ESRRG: variants seen among roughly 807,000 people sequenced by gnomAD.
ESRRG encodes the protein estrogen-related receptor gamma.
Under a neutral mutation model 44.0 loss-of-function variants are expected in ESRRG, and 13 were observed. The observed-to-expected ratio is 0.30, with a 90% CI of 0.19 to 0.47. The LOEUF (loss-of-function observed/expected upper bound fraction) is 0.47. Among genes scored for constraint, ESRRG ranks in the 20% least tolerant of loss-of-function variants. The pLI, the probability that ESRRG is intolerant of heterozygous loss-of-function variation, is 1.00. For missense variants in ESRRG, 395 were observed against 580.6 expected, an observed-to-expected ratio of 0.68 and a Z score of 3.29; for synonymous variants, 215 against 214.6, an observed-to-expected ratio of 1.00 and a Z score of -0.02.
intron 2 of ESRRG, among the ~76,000 whole-genome samples, chr1:216,816,874 G>A (rs2095154254): frequency 6.6e-6 from 1 of 152,040 alleles, no homozygotes; most frequent in Non-Finnish European, 1.5e-5. Context: ...AACAATGTGG[G>A]GCATCTATCA....
At chr1:216,997,889 A>AG (rs2076564087) in intron 1 of ESRRG, among the ~76,000 whole-genome samples, 1 of 152,240 alleles carries the variant, frequency 6.6e-6, no homozygotes, top group South Asian at 2.1e-4. Flanking sequence ...AGAACTGTAA[A>AG]GGTCATTAGT....
intron 1 of ESRRG, among the ~76,000 whole-genome samples, chr1:217,043,937 A>T (rs149716454): frequency 1.3e-5 from 2 of 152,262 alleles, no homozygotes; most frequent in East Asian, 1.9e-4. Flanking sequence ...AAAGAAAAAA[A>T]AAACTGCCAG....
chr1:216,753,011 T>C (rs767986881), intron 2 of ESRRG, among the ~76,000 whole-genome samples: 7 of 152,070 alleles, frequency 4.6e-5, no homozygotes, highest in Non-Finnish European at 7.4e-5. Flanking sequence ...GAAAGGTAGA[T>C]GCAGAACCAC....
chr1:217,031,433 T>C (rs948420106), intron 1 of ESRRG, among the ~76,000 whole-genome samples: 1 of 152,252 alleles, frequency 6.6e-6, no homozygotes, highest in Admixed American at 6.5e-5. Flanking sequence ...CAATGCTTAC[T>C]TTTTCCTTGT....
At chr1:217,004,651 G>A (rs1560441095) in intron 1 of ESRRG, among the ~76,000 whole-genome samples, 1 of 152,130 alleles carries the variant, frequency 6.6e-6, no homozygotes, top group Non-Finnish European at 1.5e-5. Context: ...GGTAAGCCAT[G>A]GGCATATAAT....
chr1:216,547,997 T>C (rs1243092504), intron 5 of ESRRG, among the ~76,000 whole-genome samples: 3 of 152,066 alleles, frequency 2.0e-5, no homozygotes, highest in Non-Finnish European at 4.4e-5. Flanking sequence ...ATTGCTGCTA[T>C]ATATGGGGTT....
At chr1:216,855,107 T>G (rs1559879549) in intron 2 of ESRRG, 1 of 152,140 alleles carries the variant, frequency 6.6e-6, no homozygotes, top group Non-Finnish European at 1.5e-5. Context: ...GAAGAATTTT[T>G]CCCATATATA....
chr1:216,913,848 A>ACAG (rs1211165230), intron 2 of ESRRG, among the ~76,000 whole-genome samples: 2 of 152,202 alleles, frequency 1.3e-5, no homozygotes, highest in Non-Finnish European at 2.9e-5. Flanking sequence ...CATTATAATT[A>ACAG]CAGCAGTAGT....
intron 2 of ESRRG, among the ~76,000 whole-genome samples, chr1:216,841,207 T>C (rs2095648020): frequency 6.6e-6 from 1 of 152,032 alleles, no homozygotes; most frequent in Admixed American, 6.6e-5. Flanking sequence ...TTCTAATTTC[T>C]GGGGAGGGAG....
intron 1 of ESRRG, among the ~76,000 whole-genome samples, chr1:216,955,898 G>A (rs976905806): frequency 6.6e-6 from 1 of 151,948 alleles, no homozygotes; most frequent in Admixed American, 6.6e-5. Context: ...TGAATTATTT[G>A]TTTTGCTTTG....
At chr1:217,094,982 T>C (rs1353620242) in intron 1 of ESRRG, among the ~76,000 whole-genome samples, 1 of 152,206 alleles carries the variant, frequency 6.6e-6, no homozygotes, top group Non-Finnish European at 1.5e-5. Context: ...TAGGGATCCA[T>C]GGATGAATTA....
chr1:216,792,995 T>C (rs1046858002), intron 2 of ESRRG, among the ~76,000 whole-genome samples: 4 of 152,152 alleles, frequency 2.6e-5, no homozygotes, highest in Non-Finnish European at 5.9e-5. Flanking sequence ...AATCATGCAA[T>C]ACAGTTAGAA....
At chr1:216,803,864 T>C (rs976486484) in intron 2 of ESRRG, among the ~76,000 whole-genome samples, 3 of 152,158 alleles carry the variant, frequency 2.0e-5, no homozygotes, top group Middle Eastern at 3.2e-3. Flanking sequence ...CTTGTAACTT[T>C]ATTCCACATC....
At chr1:216,915,249 AAAG>A (rs1417088226) in intron 2 of ESRRG, among the ~76,000 whole-genome samples, 1 of 152,178 alleles carries the variant, frequency 6.6e-6, no homozygotes, top group African/African-American at 2.4e-5. Context: ...TGAAGAAGAC[AAAG>A]AAGATACATA....
intron 2 of ESRRG, among the ~76,000 whole-genome samples, chr1:216,854,587 G>A (rs2095895699): frequency 6.6e-6 from 1 of 152,026 alleles, no homozygotes; most frequent in Non-Finnish European, 1.5e-5. Context: ...CCCAGACTAA[G>A]AGCACTCACC....
chr1:216,741,886 C>A lies in ESRRG; in HGVS notation c.-13-64395G>T, dbSNP rs144222776. On this transcript the variant is annotated intron_variant, in intron 2 of 7. Coordinates refer to the ESRRG transcript ENST00000359162. ...TCTCACTCTAAATCATCTCTACATT[C>A]TCAAAGTTAAATTCCAACTGCCTGA... Among the ~76,000 whole-genome samples the A allele has an allele frequency of 4.4e-3, 676 of 152,304 alleles. 5 individuals are homozygous for A. The highest frequency in any genetic ancestry group is 8.2e-3 in the Admixed American group (125 of 15,306).
intron 2 of ESRRG, among the ~76,000 whole-genome samples, chr1:216,825,051 G>GT (rs1202190916): frequency 1.3e-5 from 2 of 152,134 alleles, no homozygotes; most frequent in Admixed American, 6.6e-5. Context: ...CCATCTGCTT[G>GT]TTTTTTACCA....
chr1:216,519,354 G>C lies in ESRRG; in HGVS notation c.930C>G (p.Ile310Met). Residue 310 changes from isoleucine (I) to methionine (M), a missense_variant, in exon 6 of 7, where the codon ATC becomes ATG. By Grantham distance (10) the Ile-to-Met change is conservative (BLOSUM62 1). Transcript: ENST00000408911. Reference protein sequence around the residue: ...LLQSAWMEILILGVVYRSLSF... With the variant: ...LLQSAWMEILMLGVVYRSLSF... The stretch of plus-strand genomic sequence containing the variant: ...AAAGAGACCGGTATACGACACCAAG[G>C]ATCAAAATTTCCATCCAAGCACTCT... The C allele has an allele frequency of 6.2e-7, 1 of 1,613,556 alleles. No individual in the cohort carries two copies. Among genetic ancestry groups the C allele is most frequent in the Non-Finnish European group, 8.5e-7 (1 of 1,179,730 alleles).
chr1:217,078,397 C>A (rs758916161), intron 1 of ESRRG: 1 of 152,230 alleles, frequency 6.6e-6, no homozygotes, highest in South Asian at 2.1e-4. Context: ...TGCAGCCCTG[C>A]AGAAAGGAAC....
Sources: gnomAD v4.1 joint callset for allele counts (sites outside exome capture counted in the v4.1 genomes callset) on GRCh38, gnomAD v4.1.1 for gene constraint, MANE v1.5 for transcripts, NCBI Gene and HGNC (gene_info 2026-07-23, HGNC 2026-07-21) for gene names.